The following ZNF277 variants were observed in gnomAD, a reference collection of about 807,000 sequenced individuals.
ZNF277 encodes nuclear receptor-interacting factor 4.
In ZNF277, 55 loss-of-function variants were observed where a neutral mutation model predicts 60.7. That is an observed-to-expected ratio of 0.91 (90% confidence interval 0.73 to 1.13). The LOEUF is 1.13. Ranked by LOEUF, ZNF277 falls within the 50% of genes most tolerant of loss-of-function variation. ZNF277 has a pLI of 0.00. For missense variants in ZNF277, 510 were observed against 523.0 expected (o/e 0.98, Z 0.24); for synonymous variants, 178 against 179.3 (o/e 0.99, Z 0.06).
At chr7:112,231,169 G>A (rs1235199090) in intron 1 of ZNF277, among the ~76,000 whole-genome samples, 2 of 150,434 alleles carry the variant, frequency 1.3e-5, no homozygotes, top group Middle Eastern at 3.4e-3. Flanking sequence ...AGCTGAGATC[G>A]CGCCATTGCA....
chr7:112,329,580 A>G (rs1406220238), intron 6 of ZNF277, among the ~76,000 whole-genome samples: 2 of 152,154 alleles, frequency 1.3e-5, no homozygotes, highest in Non-Finnish European at 2.9e-5. Flanking sequence ...AAATGTTGGT[A>G]TTATCTTCAG....
At chr7:112,252,418 G>T (rs1301479286) in intron 1 of ZNF277, among the ~76,000 whole-genome samples, 1 of 152,250 alleles carries the variant, frequency 6.6e-6, no homozygotes, top group East Asian at 1.9e-4. Flanking sequence ...TTTTTTCTGT[G>T]TGCGGTACAA....
At chr7:112,271,365 A>T (rs1296009246) in intron 1 of ZNF277, among the ~76,000 whole-genome samples, 2 of 152,176 alleles carry the variant, frequency 1.3e-5, no homozygotes, top group African/African-American at 4.8e-5. Flanking sequence ...AAGTCAAGTG[A>T]TCTTTCTGAT....
chr7:112,224,176 A>G (rs540268541), intron 1 of ZNF277, among the ~76,000 whole-genome samples: 13 of 152,372 alleles, frequency 8.5e-5, no homozygotes, highest in African/African-American at 2.6e-4. Context: ...TATTTTATTC[A>G]GGAACTCCTA....
At chr7:112,239,644 C>T (rs924884711) in intron 1 of ZNF277, among the ~76,000 whole-genome samples, 11 of 152,224 alleles carry the variant, frequency 7.2e-5, no homozygotes, top group African/African-American at 2.7e-4. Context: ...TTTTTGTCAA[C>T]ACCAGACCTG....
At chr7:112,262,983 A>G (rs1791468891) in intron 1 of ZNF277, among the ~76,000 whole-genome samples, 4 of 152,206 alleles carry the variant, frequency 2.6e-5, no homozygotes, top group Admixed American at 1.3e-4. Flanking sequence ...ATATTTGCTC[A>G]GGGAGTGTAT....
At chr7:112,276,365 C>T (rs752961454) in intron 1 of ZNF277, among the ~76,000 whole-genome samples, 1 of 152,152 alleles carries the variant, frequency 6.6e-6, no homozygotes, top group Non-Finnish European at 1.5e-5. Context: ...CTTATGCTTG[C>T]TTATAAATTG....
intron 5 of ZNF277, among the ~76,000 whole-genome samples, chr7:112,323,856 T>C (rs1793040486): frequency 6.6e-6 from 1 of 152,196 alleles, no homozygotes; most frequent in Non-Finnish European, 1.5e-5. Context: ...ATCACATTTA[T>C]AAGTTTAGTG....
intron 1 of ZNF277, among the ~76,000 whole-genome samples, chr7:112,269,564 A>G (rs1791623844): frequency 6.6e-6 from 1 of 152,134 alleles, no homozygotes; most frequent in Non-Finnish European, 1.5e-5. Context: ...TAAGATAGCC[A>G]GTCATTTATC....
intron 4 of ZNF277, among the ~76,000 whole-genome samples, chr7:112,299,237 TC>T (rs2117082169): frequency 1.3e-5 from 2 of 152,292 alleles, no homozygotes; most frequent in East Asian, 3.9e-4. Flanking sequence ...AGGATCTATC[TC>T]CTTTATAAAG....
At chr7:112,234,426 C>G (rs1259594169) in intron 1 of ZNF277, among the ~76,000 whole-genome samples, 1 of 152,096 alleles carries the variant, frequency 6.6e-6, no homozygotes, top group African/African-American at 2.4e-5. Flanking sequence ...AGGGACAAGG[C>G]AGCTCTATGG....
chr7:112,220,952 T>G (rs1201864114), intron 1 of ZNF277, among the ~76,000 whole-genome samples: 1 of 152,070 alleles, frequency 6.6e-6, no homozygotes, highest in Admixed American at 6.5e-5. Context: ...CCGTTTTCAC[T>G]CTATTAAACC....
chr7:112,329,977 A>G, intron 6 of ZNF277, 107 bp from the exon 7 acceptor site: 1 of 1,265,772 alleles, frequency 7.9e-7, no homozygotes, highest in South Asian at 1.6e-5. Flanking sequence ...CCATTTGAAG[A>G]TGCTGTGTAA....
chr7:112,225,493 T>G (rs1016132986), intron 1 of ZNF277, among the ~76,000 whole-genome samples: 1 of 152,238 alleles, frequency 6.6e-6, no homozygotes, highest in Non-Finnish European at 1.5e-5. Flanking sequence ...ACTTTAGAGT[T>G]TATTGATAGA....
At chr7:112,318,123 A>C in intron 4 of ZNF277, 59 bp from the exon 5 acceptor site, 8 of 1,445,976 alleles carry the variant, frequency 5.5e-6, no homozygotes, top group South Asian at 1.2e-5. Context: ...AGACTTTGAC[A>C]TTTTTTATTA....
chr7:112,252,540 C>G (rs1311959912), intron 1 of ZNF277, among the ~76,000 whole-genome samples: 1 of 152,030 alleles, frequency 6.6e-6, no homozygotes, highest in African/African-American at 2.4e-5. Context: ...CCCGTGATGT[C>G]GCTAGGATAA....
At chr7:112,261,149 T>C (rs901631173) in intron 1 of ZNF277, among the ~76,000 whole-genome samples, 1 of 152,166 alleles carries the variant, frequency 6.6e-6, no homozygotes, top group Non-Finnish European at 1.5e-5. Context: ...ACTCTATAGA[T>C]CTCTATCATT....
chr7:112,269,183 A>C (rs539424262), intron 1 of ZNF277, among the ~76,000 whole-genome samples: 1 of 146,860 alleles, frequency 6.8e-6, no homozygotes, highest in Non-Finnish European at 1.5e-5. Flanking sequence ...TATCAAATTA[A>C]ATTTTAAAAT....
At chr7:112,258,920 C>T (rs972482004) in intron 1 of ZNF277, among the ~76,000 whole-genome samples, 1 of 151,776 alleles carries the variant, frequency 6.6e-6, no homozygotes, top group Admixed American at 6.6e-5. Context: ...CATAAATGTC[C>T]CCCTTTCCAT....
Sources: allele counts gnomAD v4.1 joint callset (sites outside exome capture counted in the v4.1 genomes callset), GRCh38; gene constraint gnomAD v4.1.1; transcripts MANE v1.5; gene names NCBI Gene and HGNC (gene_info 2026-07-23, HGNC 2026-07-21).